LRIT3: variants seen among roughly 807,000 people sequenced by gnomAD.
LRIT3 encodes the protein leucine-rich repeat, immunoglobulin-like domain and transmembrane domain-containing protein 3.
Under a neutral mutation model 22.6 loss-of-function variants are expected in LRIT3, and 14 were observed. That is an observed-to-expected ratio of 0.62 (90% CI 0.41 to 0.97). LRIT3 has a LOEUF of 0.97. Ranked by LOEUF, LRIT3 falls within the 50% of genes least tolerant of loss-of-function variation. LRIT3 has a pLI of 0.00. For missense variants in LRIT3, 783 were observed against 803.0 expected (o/e 0.98, Z 0.30); for synonymous variants, 306 against 304.5 (o/e 1.01, Z -0.05).
rs1203069561 is a variant in LRIT3, at chr4:109,870,492, G to A, written c.1743G>A (p.Trp581Ter). The A allele has an allele frequency of 6.2e-7, 1 of 1,614,046 alleles. No homozygotes were observed. The highest frequency in any genetic ancestry group is 8.5e-7 in the Non-Finnish European group (1 of 1,180,042). Residue 581 changes from tryptophan to a stop codon, truncating the protein, a stop_gained, in exon 4 of 4, where the codon TGG (tryptophan) becomes TGA (stop). Transcript: ENST00000594814. LOFTEE classifies it high-confidence loss of function. ...TERVEGDDSQ[W>*]SLLLVVTSTA... ...GAGTTGAAGGAGATGATTCTCAATGGTCTCTCCTTCTCGTGGTGACCAGTA... is the reference window on the plus strand; with the variant it reads ...GAGTTGAAGGAGATGATTCTCAATGATCTCTCCTTCTCGTGGTGACCAGTA...
intron 2 of LRIT3, among the ~76,000 whole-genome samples, chr4:109,858,074 A>T (rs920295115): frequency 1.3e-5 from 2 of 152,160 alleles, no homozygotes; most frequent in African/African-American, 4.8e-5. Context: ...GTGATATTGA[A>T]AGGGGTTCCT....
At position 109,851,528 on chromosome 4, in the gene LRIT3, T is replaced by C; in HGVS notation, c.141T>C (p.Asp47=). 1 of 1,547,636 alleles carries C rather than the reference T, an allele frequency of 6.5e-7. No homozygotes were observed. The change falls in exon 2 of 4, where the codon GAT becomes GAC. Residue 47 remains aspartate (D), a synonymous_variant. Coordinates refer to ENST00000594814, the MANE Select transcript of LRIT3 (RefSeq NM_198506.5). The part of the protein sequence containing the change: ...GSRLVLCNDM[D]MNELPTNLPV... ...GGTTGGTGCTATGTAATGACATGGA[T>C]ATGAACGAGCTGCCTACGAACCTCC...
chr4:109,869,773 A>T lies in LRIT3; in HGVS notation c.1024A>T (p.Thr342Ser). ...GGCTGGGATGTCAGAAGCTGTGGTT[A>T]CTGTGACAGTGCTTGGCATTACCAC... ...NLAGMSEAVV[T>S]VTVLGITTTP... Residue 342 changes from threonine (T) to serine (S), a missense_variant, in exon 4 of 4, where the codon ACT becomes TCT. Thr to Ser is a moderately conservative substitution (Grantham distance 58). Transcript: ENST00000594814. The T allele has an allele frequency of 6.2e-7, 1 of 1,613,900 alleles. No individual in the cohort carries two copies. Among genetic ancestry groups the T allele is most frequent in the Non-Finnish European group, 8.5e-7 (1 of 1,179,782 alleles).
Position 109,869,859 on chromosome 4 carries a change from G to C in LRIT3, c.1110G>C (p.Gln370His). ...RTGDHPEWDV[Q>H]PGSGRSTSVS... ...GAGATCATCCTGAGTGGGATGTCCA[G>C]CCGGGATCTGGAAGATCTACATCTG... is the stretch of plus-strand genomic sequence containing the variant. The change falls in exon 4 of 4, where the codon CAG (glutamine) becomes CAC (histidine). Residue 370 changes from glutamine (Q) to histidine (H), a missense_variant. This residue lies in a region of LRIT3 where 756 missense variants were observed against 753.8 expected (regional missense o/e 1.00). Transcript: ENST00000594814. 1.9e-6 allele frequency: 3 copies of C among 1,614,034 alleles called. No individual in the cohort carries two copies. The highest frequency in any genetic ancestry group is 2.5e-6 in the Non-Finnish European group (3 of 1,179,986).
intron 2 of LRIT3, among the ~76,000 whole-genome samples, chr4:109,861,378 C>G (rs1478825325): frequency 3.3e-5 from 5 of 151,578 alleles, no homozygotes; most frequent in Non-Finnish European, 7.4e-5. Context: ...ATATGTATAA[C>G]TTTTAAGGAA....
intron 1 of LRIT3, among the ~76,000 whole-genome samples, chr4:109,848,986 C>T (rs960585976): frequency 6.6e-6 from 1 of 151,990 alleles, no homozygotes; most frequent in African/African-American, 2.4e-5. Flanking sequence ...ATGTTAAATG[C>T]AAAACAGAAC....
chr4:109,851,900 T>A lies in LRIT3; in HGVS notation c.513T>A (p.Asp171Glu). ...ACAGACTCACCACATTGCCACCAGATTTCCTGGAGAGCTGGACTCATTTAG... is the reference window on the plus strand; with the variant it reads ...ACAGACTCACCACATTGCCACCAGAATTCCTGGAGAGCTGGACTCATTTAG... ...SSNRLTTLPP[D>E]FLESWTHLVS... Residue 171 changes from aspartate (D) to glutamate (E), a missense_variant, in exon 2 of 4, where the codon GAT (aspartate) becomes GAA (glutamate). By Grantham distance (45) the Asp-to-Glu change is conservative. Transcript: ENST00000594814. 6.4e-7 allele frequency: 1 copy of A among 1,551,664 alleles called. No individual in the cohort carries two copies. Among genetic ancestry groups the A allele is most frequent in the South Asian group, 1.2e-5 (1 of 84,060 alleles).
intron 1 of LRIT3, among the ~76,000 whole-genome samples, chr4:109,849,505 C>T (rs1433245370): frequency 6.6e-6 from 1 of 152,198 alleles, no homozygotes; most frequent in Non-Finnish European, 1.5e-5. Context: ...ATGACTTGTC[C>T]TAGATCATAT....
At chr4:109,849,757 C>T (rs910675468) in intron 1 of LRIT3, among the ~76,000 whole-genome samples, 2 of 152,190 alleles carry the variant, frequency 1.3e-5, no homozygotes, top group Non-Finnish European at 2.9e-5. Context: ...GGATTACAGG[C>T]GTGTGCCACC....
chr4:109,848,456 T>G, intron 1 of LRIT3, 139 bp downstream of exon 1: 3 of 441,262 alleles, frequency 6.8e-6, no homozygotes. Context: ...AGCTTTAACT[T>G]AATTGTTTTA....
At position 109,867,728 on chromosome 4, in the gene LRIT3, T is replaced by A. The variant is rs1241811458; in HGVS notation, c.677T>A (p.Leu226Gln). ...SKVVDPAIVL[L>Q]DPLMTCSEPE... Reference sequence around the variant, plus strand: ...GTCGTTGACCCTGCTATAGTGCTTCTGGATCCACTGATGACTTGCAGTGAA... The same window carrying A: ...GTCGTTGACCCTGCTATAGTGCTTCAGGATCCACTGATGACTTGCAGTGAA... Residue 226 changes from leucine (L) to glutamine (Q), a missense_variant, in exon 3 of 4, where the codon CTG becomes CAG. By Grantham distance (113) the Leu-to-Gln change is moderately radical (BLOSUM62 -2). Around this residue, in one of 2 missense-constraint regions of LRIT3, gnomAD observed 756 missense variants for 753.8 expected, o/e 1.00. Coordinates refer to ENST00000594814, the MANE Select transcript of LRIT3 (RefSeq NM_198506.5). 1 of 1,614,212 alleles carries A rather than the reference T, an allele frequency of 6.2e-7. No homozygotes were observed. Among genetic ancestry groups the A allele is most frequent in the Admixed American group, 1.7e-5 (1 of 60,034 alleles).
intron 2 of LRIT3, among the ~76,000 whole-genome samples, chr4:109,863,036 G>A (rs1734587029): frequency 6.6e-6 from 1 of 152,082 alleles, no homozygotes; most frequent in Non-Finnish European, 1.5e-5. Flanking sequence ...CTGTCACTAT[G>A]ACTCTAAATG....
At chr4:109,865,099 T>G in intron 2 of LRIT3, 1 of 1,417,272 alleles carries the variant, frequency 7.1e-7, no homozygotes, top group Non-Finnish European at 9.3e-7. Flanking sequence ...TAGTCTATGA[T>G]CATTATTTTT....
At chr4:109,851,282 G>C in intron 1 of LRIT3, 4 of 545,490 alleles carry the variant, frequency 7.3e-6, no homozygotes, top group Non-Finnish European at 1.3e-5. Context: ...AAATGAGGTT[G>C]AGACACTGGT....
At chr4:109,866,724 A>T (rs1331300501) in intron 2 of LRIT3, among the ~76,000 whole-genome samples, 1 of 152,106 alleles carries the variant, frequency 6.6e-6, no homozygotes, top group Non-Finnish European at 1.5e-5. Flanking sequence ...AGTAGCAAGG[A>T]TCCTCTTTCC....
At chr4:109,852,334 C>G (rs550279343) in intron 2 of LRIT3, among the ~76,000 whole-genome samples, 1 of 152,226 alleles carries the variant, frequency 6.6e-6, no homozygotes, top group Admixed American at 6.5e-5. Context: ...GTACAAAGTT[C>G]TGCTCAGTTT....
At chr4:109,867,564 C>A in intron 2 of LRIT3, 77 bp from the exon 3 acceptor site, 1 of 1,332,848 alleles carries the variant, frequency 7.5e-7, no homozygotes, top group Admixed American at 1.8e-5. Context: ...GTGTAGATCC[C>A]TACTTTCTCA....
chr4:109,854,378 G>T (rs185645205), intron 2 of LRIT3, among the ~76,000 whole-genome samples: 1 of 152,042 alleles, frequency 6.6e-6, no homozygotes, highest in East Asian at 1.9e-4. Context: ...TCATGATTTG[G>T]CTCTGTTTGT....
At position 109,870,377 on chromosome 4, in the gene LRIT3, G is replaced by C; in HGVS notation, c.1628G>C (p.Gly543Ala). 6.2e-7 allele frequency: 1 copy of C among 1,614,182 alleles called. No individual in the cohort carries two copies. Among genetic ancestry groups the C allele is most frequent in the Non-Finnish European group, 8.5e-7 (1 of 1,180,042 alleles). Residue 543 changes from glycine (G) to alanine (A), a missense_variant, in exon 4 of 4, where the codon GGC becomes GCC. By Grantham distance (60) the Gly-to-Ala change is moderately conservative. Around this residue, in one of 2 missense-constraint regions of LRIT3, gnomAD observed 756 missense variants for 753.8 expected, o/e 1.00. Transcript: ENST00000594814. ...DSSKNQVTID[G>A]LEPGGQYMAC... ...AGCAAGAACCAAGTAACCATAGATG[G>C]CTTGGAACCCGGTGGGCAATACATG...
Sources: allele counts gnomAD v4.1 joint callset (sites outside exome capture counted in the v4.1 genomes callset), GRCh38; gene constraint gnomAD v4.1.1; regional missense constraint gnomAD v4.1.1; transcripts MANE v1.5; gene names NCBI Gene and HGNC (gene_info 2026-07-23, HGNC 2026-07-21).